CCM2: variants seen among roughly 807,000 people sequenced by gnomAD.
The protein encoded by CCM2 is cerebral cavernous malformations 2 protein.
A neutral mutation model predicts 44.9 loss-of-function variants in CCM2; 25 were observed. The ratio of observed to expected loss-of-function variants is 0.56; its 90% confidence interval spans 0.41 to 0.78. The LOEUF (loss-of-function observed/expected upper bound fraction) is 0.78, where lower values mean the gene tolerates loss of function less well. Ranked by LOEUF, CCM2 falls within the 30% of genes least tolerant of loss-of-function variation. The pLI, the probability that CCM2 is intolerant of heterozygous loss-of-function variation, is 0.00. For missense variants in CCM2, 481 were observed against 580.6 expected (o/e 0.83, Z 1.76); for synonymous variants, 219 against 241.1 (o/e 0.91, Z 0.85).
At chr7:45,009,935 G>T (rs1415998960) in intron 1 of CCM2, among the ~76,000 whole-genome samples, 1 of 149,568 alleles carries the variant, frequency 6.7e-6, no homozygotes, top group Non-Finnish European at 1.5e-5. Flanking sequence ...TTTTAAACAG[G>T]GTCTCACTCT....
chr7:45,065,914 C>G (rs1798750044), intron 4 of CCM2, among the ~76,000 whole-genome samples: 1 of 152,146 alleles, frequency 6.6e-6, no homozygotes, highest in African/African-American at 2.4e-5. Context: ...TGCGGGAGGC[C>G]TTAGGCCTGG....
intron 2 of CCM2, among the ~76,000 whole-genome samples, chr7:45,053,286 G>A (rs928784202): frequency 2.0e-5 from 3 of 152,210 alleles, no homozygotes; most frequent in Non-Finnish European, 2.9e-5. Context: ...GGTGTTGCAG[G>A]TCGACTCCCA....
At chr7:45,053,884 C>T (rs898943229) in intron 2 of CCM2, among the ~76,000 whole-genome samples, 1 of 152,186 alleles carries the variant, frequency 6.6e-6, no homozygotes, top group Admixed American at 6.5e-5. Flanking sequence ...CTTTCGATAC[C>T]TGGATCCACT....
At chr7:45,009,913 C>CTT (rs771106378) in intron 1 of CCM2, among the ~76,000 whole-genome samples, 4 of 142,878 alleles carry the variant, frequency 2.8e-5, no homozygotes, top group Admixed American at 7.0e-5. Context: ...GAAATACACA[C>CTT]TTTTTTTTTT....
intron 1 of CCM2, among the ~76,000 whole-genome samples, chr7:45,034,812 C>T (rs1797141178): frequency 6.6e-6 from 1 of 152,180 alleles, no homozygotes; most frequent in South Asian, 2.1e-4. Flanking sequence ...TGAGCCACTG[C>T]ACCCAGCTTC....
chr7:45,018,128 A>G (rs879360827), intron 1 of CCM2, among the ~76,000 whole-genome samples: 2 of 152,158 alleles, frequency 1.3e-5, no homozygotes, highest in African/African-American at 2.4e-5. Flanking sequence ...CCTCCAACAC[A>G]CAGTTCAGGG....
intron 8 of CCM2, 24 bp downstream of exon 8, chr7:45,073,595 TGG>T: frequency 6.6e-7 from 1 of 1,512,144 alleles, no homozygotes; most frequent in Non-Finnish European, 9.1e-7. Context: ...GCAGGGACGC[TGG>T]GCTGCATGAG....
intron 8 of CCM2, chr7:45,073,998 C>A: frequency 3.1e-6 from 2 of 638,962 alleles, no homozygotes; most frequent in Non-Finnish European, 5.2e-6. Context: ...AACTTCCACC[C>A]TGCCCTGCTG....
At chr7:45,016,232 A>G (rs1181870481) in intron 1 of CCM2, among the ~76,000 whole-genome samples, 1 of 152,230 alleles carries the variant, frequency 6.6e-6, no homozygotes, top group Non-Finnish European at 1.5e-5. Context: ...GTTTGTGCTG[A>G]CCAAGTATAT....
chr7:45,006,614 G>C (rs572769475), intron 1 of CCM2, among the ~76,000 whole-genome samples: 1 of 152,290 alleles, frequency 6.6e-6, no homozygotes, highest in East Asian at 1.9e-4. Flanking sequence ...AAAGTGCTGG[G>C]ATTATAGGCT....
intron 3 of CCM2, 54 bp downstream of exon 3, chr7:45,064,055 G>A (rs983899751): frequency 3.9e-6 from 5 of 1,286,618 alleles, no homozygotes; most frequent in East Asian, 4.6e-5. Context: ...ACCAGCCCTT[G>A]GTCCCTGTAC....
intron 1 of CCM2, among the ~76,000 whole-genome samples, chr7:45,003,919 C>A (rs1042935154): frequency 7.2e-5 from 11 of 152,132 alleles, no homozygotes; most frequent in Non-Finnish European, 1.6e-4. Flanking sequence ...AGTGGCTACG[C>A]CTGTAATCCC....
rs768732025 is a variant in CCM2, at chr7:45,064,594, C to G, written c.420C>G (p.Ala140=). Residue 140 remains alanine (A), a synonymous_variant, in exon 4 of 10, where the codon GCC becomes GCG. Transcript: ENST00000258781. The part of the protein sequence containing the change: ...IILRVPIHDI[A]AVSYVRDDAA... ...TCAGGGTGCCCATCCATGACATCGC[C>G]GCCGTCTCCTATGTTCGGGATGACG... The G allele has an allele frequency of 6.2e-7, 1 of 1,614,010 alleles. No homozygotes were observed. The highest frequency in any genetic ancestry group is 8.5e-7 in the Non-Finnish European group (1 of 1,180,028).
chr7:45,034,797 AGGTGTGAGCCACTGCACCCAG>A (rs1797140427), intron 1 of CCM2, among the ~76,000 whole-genome samples: 1 of 152,110 alleles, frequency 6.6e-6, no homozygotes, highest in Admixed American at 6.5e-5. Context: ...CTGGGATTAC[AGGTGTGAGCCACTGCACCCAG>A]CTTCTGGAAG....
chr7:45,055,309 T>G (rs1005449301), intron 2 of CCM2, among the ~76,000 whole-genome samples: 1 of 152,212 alleles, frequency 6.6e-6, no homozygotes, highest in Non-Finnish European at 1.5e-5. Context: ...ATAATATTTG[T>G]GGATGATACA....
chr7:45,050,946 A>G (rs1349770305), intron 2 of CCM2, among the ~76,000 whole-genome samples: 4 of 152,160 alleles, frequency 2.6e-5, no homozygotes, highest in African/African-American at 7.2e-5. Context: ...CCTGAAAATC[A>G]TAGACTCGGG....
intron 1 of CCM2, among the ~76,000 whole-genome samples, chr7:45,005,379 G>A (rs1199421816): frequency 6.6e-6 from 1 of 152,236 alleles, no homozygotes; most frequent in Non-Finnish European, 1.5e-5. Flanking sequence ...GCTGCTCTGA[G>A]CATCCTTTCA....
At chr7:45,061,566 C>T (rs1230926192) in intron 2 of CCM2, among the ~76,000 whole-genome samples, 1 of 150,992 alleles carries the variant, frequency 6.6e-6, no homozygotes, top group Non-Finnish European at 1.5e-5. Flanking sequence ...CTCCTGGGCT[C>T]AAATGATCCT....
chr7:45,005,728 C>T (rs1425620008), intron 1 of CCM2, among the ~76,000 whole-genome samples: 3 of 152,180 alleles, frequency 2.0e-5, no homozygotes, highest in African/African-American at 7.2e-5. Context: ...GGACATTGCA[C>T]TTTGGAAAGT....
Sources: allele counts gnomAD v4.1 joint callset (sites outside exome capture counted in the v4.1 genomes callset), GRCh38; gene constraint gnomAD v4.1.1; transcripts MANE v1.5; gene names NCBI Gene and HGNC (gene_info 2026-07-23, HGNC 2026-07-21).